The following PXDNL variants were observed in gnomAD, a reference collection of about 807,000 sequenced individuals.
PXDNL encodes the protein probable oxidoreductase PXDNL.
A neutral mutation model predicts 150.8 loss-of-function variants in PXDNL; 145 were observed. The ratio of observed to expected loss-of-function variants is 0.96; its 90% CI spans 0.84 to 1.10. The LOEUF (loss-of-function observed/expected upper bound fraction) is 1.10, where lower values mean the gene tolerates loss of function less well. PXDNL is among the 50% of genes least tolerant of loss of function. The probability of loss-of-function intolerance (pLI) is 0.00; values close to 1 mark genes in which losing one functional copy is unlikely to be tolerated. For synonymous variants in PXDNL, 757 were observed against 725.7 expected, an observed-to-expected ratio of 1.04 and a Z score of -0.69; for missense variants, 2,087 against 1,873.9, an observed-to-expected ratio of 1.11 and a Z score of -2.10.
At chr8:51,573,354 C>G (rs1430750233) in intron 3 of PXDNL, among the ~76,000 whole-genome samples, 1 of 151,950 alleles carries the variant, frequency 6.6e-6, no homozygotes, top group Non-Finnish European at 1.5e-5. Flanking sequence ...CATAGAAAGC[C>G]TTGACCTCCA....
At chr8:51,643,228 T>C (rs1021383667) in intron 2 of PXDNL, among the ~76,000 whole-genome samples, 3 of 152,162 alleles carry the variant, frequency 2.0e-5, no homozygotes, top group African/African-American at 7.2e-5. Flanking sequence ...AGAGCCCACA[T>C]TGCCAAGACA....
chr8:51,443,178 A>C (rs1018672278), intron 12 of PXDNL, among the ~76,000 whole-genome samples: 3 of 152,100 alleles, frequency 2.0e-5, no homozygotes, highest in Admixed American at 6.6e-5. Context: ...TTTCTGTAAA[A>C]TTACTAATTT....
chr8:51,777,044 A>T (rs2129246192), intron 1 of PXDNL, among the ~76,000 whole-genome samples: 1 of 152,302 alleles, frequency 6.6e-6, no homozygotes, highest in Non-Finnish European at 1.5e-5. Context: ...ATTAAAGTAA[A>T]AGCAAAGCAA....
chr8:51,382,294 T>G (rs1035480906), intron 17 of PXDNL, among the ~76,000 whole-genome samples: 1 of 142,314 alleles, frequency 7.0e-6, no homozygotes, highest in Admixed American at 6.8e-5. Flanking sequence ...AAGGATTCTC[T>G]CCTCCAAGGT....
chr8:51,357,878 C>A (rs1199211580), intron 19 of PXDNL, among the ~76,000 whole-genome samples: 1 of 152,174 alleles, frequency 6.6e-6, no homozygotes, highest in Non-Finnish European at 1.5e-5. Context: ...GGGCATCACA[C>A]TTTAATAAAG....
At position 51,408,493 on chromosome 8, in the gene PXDNL, A is replaced by C; in HGVS notation, c.3131T>G (p.Ile1044Ser). Reference protein sequence around the residue: ...RGYNPNVNAGIINSFATAAFR... With the variant: ...RGYNPNVNAGSINSFATAAFR... ...GGCTGCAGTAGCAAAAGAGTTAATG[A>C]TGCCTGCATTCACGTTGGGGTTGTA... Residue 1044 changes from isoleucine (I) to serine (S), a missense_variant, in exon 17 of 23, where the codon ATC becomes AGC. By Grantham distance (142) the Ile-to-Ser change is moderately radical. Coordinates refer to ENST00000356297, the MANE Select transcript of PXDNL (RefSeq NM_144651.5). The C allele has an allele frequency of 1.2e-6, 2 of 1,613,674 alleles. No homozygotes were observed. The highest frequency in any genetic ancestry group is 1.7e-6 in the Non-Finnish European group (2 of 1,179,716).
intron 1 of PXDNL, among the ~76,000 whole-genome samples, chr8:51,679,880 G>A (rs1815704710): frequency 6.6e-6 from 1 of 152,098 alleles, no homozygotes; most frequent in African/African-American, 2.4e-5. Flanking sequence ...TTCATGAAAG[G>A]GCCAAAGTTA....
chr8:51,355,255 G>T (rs561127599), intron 19 of PXDNL, among the ~76,000 whole-genome samples: 14 of 152,262 alleles, frequency 9.2e-5, no homozygotes, highest in African/African-American at 3.1e-4. Context: ...TCTTATGAAA[G>T]AAATTAAACT....
At chr8:51,771,976 AAG>A (rs890746782) in intron 1 of PXDNL, among the ~76,000 whole-genome samples, 3 of 152,040 alleles carry the variant, frequency 2.0e-5, no homozygotes, top group African/African-American at 7.2e-5. Context: ...CCAGCCAGAA[AAG>A]AGAGAGTGGG....
At chr8:51,342,704 C>A (rs6982243) in intron 20 of PXDNL, among the ~76,000 whole-genome samples, 4,464 of 152,214 alleles carry the variant, frequency 0.029, 209 homozygotes, top group African/African-American at 0.1. Context: ...CTGCTCTGCG[C>A]AGGCAGGAGT....
intron 2 of PXDNL, among the ~76,000 whole-genome samples, chr8:51,635,922 T>A (rs545582180): frequency 1.5e-4 from 23 of 152,140 alleles, no homozygotes; most frequent in African/African-American, 5.5e-4. Context: ...CAGAGCAATA[T>A]CTTTTAGTAA....
At chr8:51,529,642 A>T (rs1811848348) in intron 4 of PXDNL, among the ~76,000 whole-genome samples, 1 of 152,194 alleles carries the variant, frequency 6.6e-6, no homozygotes, top group Non-Finnish European at 1.5e-5. Flanking sequence ...AATTGTATCC[A>T]CACAATGATG....
intron 5 of PXDNL, among the ~76,000 whole-genome samples, chr8:51,495,440 T>C (rs1332624491): frequency 1.6e-4 from 24 of 151,342 alleles, no homozygotes; most frequent in Middle Eastern, 6.8e-3. Context: ...CAGAGCAGAA[T>C]TGAAGGAAAT....
At chr8:51,452,935 A>AACACACACACACACAC (rs146990384) in intron 10 of PXDNL, among the ~76,000 whole-genome samples, 2 of 142,566 alleles carry the variant, frequency 1.4e-5, no homozygotes, top group African/African-American at 2.7e-5. Context: ...CACACACACA[A>AACACACACACACACAC]ACACACACAC....
At chr8:51,528,515 C>G (rs7837087) in intron 4 of PXDNL, among the ~76,000 whole-genome samples, 3,706 of 152,240 alleles carry the variant, frequency 0.024, 132 homozygotes, top group African/African-American at 0.085. Context: ...ATGTAAATGC[C>G]TTAATCTCCA....
intron 4 of PXDNL, among the ~76,000 whole-genome samples, chr8:51,501,702 AC>A (rs752590680): frequency 9.2e-5 from 14 of 152,112 alleles, no homozygotes; most frequent in Non-Finnish European, 8.8e-5. Context: ...ACATACACTA[AC>A]ACAGTCACAC....
chr8:51,790,784 TTATA>T (rs200115480), intron 1 of PXDNL, among the ~76,000 whole-genome samples: 7,149 of 68,380 alleles, frequency 0.1, 1,468 homozygotes, highest in Non-Finnish European at 0.24. Flanking sequence ...TGCCACTCTT[TTATA>T]TATATATATG....
intron 4 of PXDNL, among the ~76,000 whole-genome samples, chr8:51,524,897 A>C (rs570899953): frequency 6.6e-6 from 1 of 152,324 alleles, no homozygotes; most frequent in South Asian, 2.1e-4. Context: ...ATCTTTGAAC[A>C]AGCTTAAGGT....
At chr8:51,648,468 C>T (rs559738193) in intron 2 of PXDNL, among the ~76,000 whole-genome samples, 1 of 152,320 alleles carries the variant, frequency 6.6e-6, no homozygotes, top group African/African-American at 2.4e-5. Context: ...AGGATGCCAG[C>T]AGGGCCTGGA....
Sources: allele counts gnomAD v4.1 joint callset (sites outside exome capture counted in the v4.1 genomes callset), GRCh38; gene constraint gnomAD v4.1.1; transcripts MANE v1.5; gene names NCBI Gene and HGNC (gene_info 2026-07-23, HGNC 2026-07-21).